The following STAM2 variants were observed in gnomAD, a reference collection of about 807,000 sequenced individuals.
The protein encoded by STAM2 is signal transducing adapter molecule 2.
STAM2 carries 51 observed loss-of-function variants against 65.6 expected under a neutral mutation model. The ratio of observed to expected loss-of-function variants is 0.78; its 90% CI spans 0.62 to 0.98. STAM2 has a LOEUF of 0.98. Ranked by LOEUF, STAM2 falls within the 50% of genes least tolerant of loss-of-function variation. The pLI is 0.00. For missense variants in STAM2, 584 were observed against 617.8 expected, an observed-to-expected ratio of 0.95 and a Z score of 0.58; for synonymous variants, 198 against 208.4, an observed-to-expected ratio of 0.95 and a Z score of 0.43.
rs1428709194 is a variant in STAM2, at chr2:152,175,745, G to GGCCTCCGTCCCT, written c.-115_-104dup. On this transcript the variant is annotated 5_prime_UTR_variant, in exon 1 of 14. Transcript: ENST00000263904. ...GCGGCTCCCTAGACCGCTCCGCTTC[G>GGCCTCCGTCCCT]GCCTCCGTCCCTGCACTTCCGCCAC... The GGCCTCCGTCCCT allele has an allele frequency of 4.6e-6, 6 of 1,297,940 alleles. No homozygotes were observed. The highest frequency in any genetic ancestry group is 6.5e-6 in the Non-Finnish European group (6 of 925,878). The allele number at this position is 1,297,940 out of a possible 1,614,324, so 80.4% of individuals were successfully genotyped here. A position where few individuals can be genotyped will look rare whatever the true frequency, so the allele number is the denominator to read the frequency against.
At chr2:152,164,795 T>A (rs187394385) in intron 1 of STAM2, among the ~76,000 whole-genome samples, 1 of 152,130 alleles carries the variant, frequency 6.6e-6, no homozygotes, top group Non-Finnish European at 1.5e-5. Flanking sequence ...GAATTGAGCA[T>A]AAGGGGAGCC....
At chr2:152,157,850 C>T (rs751197273) in intron 1 of STAM2, among the ~76,000 whole-genome samples, 6 of 152,106 alleles carry the variant, frequency 3.9e-5, no homozygotes, top group Non-Finnish European at 7.4e-5. Flanking sequence ...CCTGTCAAAA[C>T]GTAAAAGATC....
intron 2 of STAM2, among the ~76,000 whole-genome samples, chr2:152,148,714 T>C (rs1689381895): frequency 6.6e-6 from 1 of 152,120 alleles, no homozygotes; most frequent in Admixed American, 6.5e-5. Flanking sequence ...GGAAATTTCA[T>C]ATTGTTAAAG....
At chr2:152,149,448 T>C (rs1293450976) in intron 2 of STAM2, among the ~76,000 whole-genome samples, 2 of 151,804 alleles carry the variant, frequency 1.3e-5, no homozygotes. Context: ...GCCGAAAATC[T>C]GTGTATAACT....
chr2:152,153,238 C>A (rs993553158), intron 1 of STAM2, among the ~76,000 whole-genome samples: 2 of 152,052 alleles, frequency 1.3e-5, no homozygotes, highest in Admixed American at 1.3e-4. Flanking sequence ...CATTTTATGT[C>A]TTTTCCTCTT....
Position 152,133,240 on chromosome 2 carries a change from C to CA in STAM2, c.902dup (p.Gln302AlafsTer34), listed in dbSNP as rs779551794. 1.7e-4 allele frequency: 270 copies of CA among 1,610,370 alleles called. No individual in the cohort carries two copies. Among genetic ancestry groups the CA allele is most frequent in the Non-Finnish European group, 2.2e-4 (264 of 1,178,418 alleles). On this transcript the variant is annotated frameshift_variant, in exon 10 of 14. Transcript: ENST00000263904. LOFTEE classifies it high-confidence loss of function. ...TTGGATCTATACTCTGAAGTACCTG[C>CA]AGGGCTCTATCCATCTTATCCTAAA...
intron 5 of STAM2, among the ~76,000 whole-genome samples, chr2:152,145,256 A>G (rs1689317505): frequency 6.6e-6 from 1 of 152,058 alleles, no homozygotes; most frequent in Non-Finnish European, 1.5e-5. Context: ...TTTTGTAGAG[A>G]CAGGGTCTCA....
chr2:152,135,790 A>G (rs994124661), intron 7 of STAM2, among the ~76,000 whole-genome samples, 187 bp from the exon 8 acceptor site: 28 of 152,200 alleles, frequency 1.8e-4, no homozygotes, highest in Non-Finnish European at 3.5e-4. Context: ...CCACATCCCT[A>G]TATCTAAACT....
Position 152,117,646 on chromosome 2 carries a change from C to T in STAM2, c.*2928G>A, listed in dbSNP as rs960954646. 1 of 152,054 alleles carries T rather than the reference C, an allele frequency of 6.6e-6. No individual in the cohort carries two copies. The highest frequency in any genetic ancestry group is 6.6e-5 in the Admixed American group (1 of 15,256). 9.4% of individuals were successfully genotyped at this position (152,054 alleles called of 1,614,324 possible). ...GTGCTATTTATAATTTATTACTTAT[C>T]AAAGTAACTCCAGCTTTCTTATAGC... is the stretch of plus-strand genomic sequence containing the variant. On this transcript the variant is annotated 3_prime_UTR_variant, in exon 14 of 14. Coordinates refer to ENST00000263904, the MANE Select transcript of STAM2 (RefSeq NM_005843.6).
rs1579343092 is a variant in STAM2 at position 152,175,631 on chromosome 2, G to A, written c.12C>T (p.Phe4=). 2 of 1,613,776 alleles carry A rather than the reference G, an allele frequency of 1.2e-6. No individual in the cohort carries two copies. Among genetic ancestry groups the A allele is most frequent in the Non-Finnish European group, 1.7e-6 (2 of 1,179,872 alleles). MPL[F]TANPFEQDVE... ...CGTCTTGCTCGAAGGGGTTGGCGGT[G>A]AACAAAGGCATCTCGCCGGCGCCCG... is the stretch of plus-strand genomic sequence containing the variant. Residue 4 remains phenylalanine (F), a synonymous_variant, in exon 1 of 14, where the codon TTC becomes TTT. Coordinates refer to ENST00000263904, the MANE Select transcript of STAM2 (RefSeq NM_005843.6).
At chr2:152,126,810 G>A (rs1237191912) in intron 11 of STAM2, among the ~76,000 whole-genome samples, 1 of 152,162 alleles carries the variant, frequency 6.6e-6, no homozygotes, top group Non-Finnish European at 1.5e-5. Flanking sequence ...TGTAACTTCA[G>A]CCTCTGAATG....
intron 1 of STAM2, among the ~76,000 whole-genome samples, chr2:152,157,245 G>C (rs1454607262): frequency 6.6e-6 from 1 of 152,140 alleles, no homozygotes; most frequent in Non-Finnish European, 1.5e-5. Context: ...GTCTCTATGG[G>C]GTCTAGCAGA....
rs546022827 is a variant in STAM2 at position 152,124,140 on chromosome 2, G to C, written c.1180-205C>G. ...CTATGGAAATTTGATTTGTTTGGCT[G>C]TTCTTTTATTTTTACAGAGAGCTGG... On this transcript the variant is annotated intron_variant, in intron 12 of 13. Transcript: ENST00000263904. 2.1e-4 allele frequency: 113 copies of C among 529,254 alleles called. 1 individual carries two copies. The South Asian group carries it at 2.7e-3, about 13-fold the overall frequency. 32.8% of individuals were successfully genotyped at this position (529,254 alleles called of 1,614,324 possible).
chr2:152,150,287 AC>A, intron 1 of STAM2, 58 bp from the exon 2 acceptor site: 1 of 1,113,846 alleles, frequency 9.0e-7, no homozygotes, highest in Non-Finnish European at 1.3e-6. Flanking sequence ...ACACTAAAAT[AC>A]CAGTAAAGGT....
chr2:152,172,030 C>T (rs1416541386), intron 1 of STAM2, among the ~76,000 whole-genome samples: 2 of 152,198 alleles, frequency 1.3e-5, no homozygotes, highest in Non-Finnish European at 2.9e-5. Flanking sequence ...TCACTTTCCC[C>T]TTGGAATTCT....
intron 11 of STAM2, chr2:152,131,510 T>A (rs983687125): frequency 6.6e-6 from 1 of 152,494 alleles, no homozygotes; most frequent in Admixed American, 6.6e-5. Context: ...CCCAGCCATC[T>A]TGGCAGCTGC....
rs1373879817 is a variant in STAM2, at chr2:152,151,543, T to TACAATTTACA, written c.41-1315_41-1314insTGTAAATTGT. ...TTCATGTATCAATACAATTTACACA[T>TACAATTTACA]TTAAAATGTACAATTCAATGTTTTG... On this transcript the variant is annotated intron_variant, in intron 1 of 13. Coordinates refer to ENST00000263904, the MANE Select transcript of STAM2 (RefSeq NM_005843.6). 2.0e-5 allele frequency among the ~76,000 whole-genome samples: 3 copies of TACAATTTACA among 152,204 alleles called. No individual in the cohort carries two copies. In the East Asian group the frequency reaches 5.8e-4, roughly 29 times the overall value.
chr2:152,125,284 G>C (rs1688944615), intron 12 of STAM2, among the ~76,000 whole-genome samples: 1 of 152,056 alleles, frequency 6.6e-6, no homozygotes, highest in Non-Finnish European at 1.5e-5. Flanking sequence ...TCAAGGCATG[G>C]CATATTTGAT....
chr2:152,175,740 G>T lies in STAM2; in HGVS notation c.-98C>A, dbSNP rs1690009672. On this transcript the variant is annotated 5_prime_UTR_variant, in exon 1 of 14. Transcript: ENST00000263904. ...CGGCCGCGGCTCCCTAGACCGCTCC[G>T]CTTCGGCCTCCGTCCCTGCACTTCC... 7.4e-7 allele frequency: 1 copy of T among 1,348,262 alleles called. No homozygotes were observed. 83.5% of individuals were successfully genotyped at this position (1,348,262 alleles called of 1,614,324 possible).
Sources: gnomAD v4.1 joint callset for allele counts (sites outside exome capture counted in the v4.1 genomes callset) on GRCh38, gnomAD v4.1.1 for gene constraint, MANE v1.5 for transcripts, NCBI Gene and HGNC (gene_info 2026-07-23, HGNC 2026-07-21) for gene names.